The following ATRN variants were observed in gnomAD, a reference collection of about 807,000 sequenced individuals.
The protein encoded by ATRN is attractin-2.
Under a neutral mutation model 178.7 loss-of-function variants are expected in ATRN, and 54 were observed. The ratio of observed to expected loss-of-function variants is 0.30; its 90% CI spans 0.24 to 0.38. The LOEUF is 0.38. ATRN is among the 10% of genes least tolerant of loss of function. The pLI is 1.00. For synonymous variants in ATRN, 636 were observed against 663.0 expected (o/e 0.96, Z 0.63); for missense variants, 1,443 against 1,815.1 (o/e 0.79, Z 3.73).
intron 24 of ATRN, 92 bp from the exon 25 acceptor site, chr20:3,624,419 C>T: frequency 8.8e-7 from 1 of 1,140,352 alleles, no homozygotes; most frequent in African/African-American, 1.6e-5. Context: ...AAAATGTAAG[C>T]TCTGTTTTCA....
intron 1 of ATRN, among the ~76,000 whole-genome samples, chr20:3,476,145 CA>C (rs1368557369): frequency 1.3e-5 from 2 of 152,096 alleles, no homozygotes; most frequent in Admixed American, 6.5e-5. Context: ...ACCCTTGTCA[CA>C]AAAAAACAAA....
chr20:3,646,281 C>T (rs906594430), intron 28 of ATRN, among the ~76,000 whole-genome samples: 5 of 152,112 alleles, frequency 3.3e-5, no homozygotes, highest in African/African-American at 9.7e-5. Flanking sequence ...CGTCATAAAG[C>T]GTGCTGCTGT....
intron 11 of ATRN, among the ~76,000 whole-genome samples, chr20:3,569,880 G>T (rs1186414342): frequency 2.0e-5 from 3 of 152,086 alleles, no homozygotes; most frequent in Non-Finnish European, 4.4e-5. Context: ...ACACCAGCCT[G>T]GGCAACACAG....
chr20:3,646,508 G>A (rs930468020), intron 28 of ATRN, among the ~76,000 whole-genome samples: 2 of 152,188 alleles, frequency 1.3e-5, no homozygotes, highest in African/African-American at 4.8e-5. Flanking sequence ...ATTAGTGAAA[G>A]CGTTTACCCA....
At chr20:3,614,181 G>T (rs1262993178) in intron 24 of ATRN, among the ~76,000 whole-genome samples, 1 of 152,188 alleles carries the variant, frequency 6.6e-6, no homozygotes, top group Non-Finnish European at 1.5e-5. Context: ...TTTTTGATTG[G>T]TTGTTCCTGT....
chr20:3,533,064 T>C (rs1433184244), intron 1 of ATRN, among the ~76,000 whole-genome samples: 1 of 152,148 alleles, frequency 6.6e-6, no homozygotes, highest in Non-Finnish European at 1.5e-5. Flanking sequence ...GCCCAGCCTA[T>C]GGTATGGGCC....
chr20:3,514,195 T>G (rs947040407), intron 1 of ATRN, among the ~76,000 whole-genome samples: 1 of 152,172 alleles, frequency 6.6e-6, no homozygotes, highest in Non-Finnish European at 1.5e-5. Flanking sequence ...TCCAATACAT[T>G]GAAAATTTTA....
intron 1 of ATRN, among the ~76,000 whole-genome samples, chr20:3,498,474 C>T (rs1004914939): frequency 5.9e-4 from 90 of 152,036 alleles, no homozygotes; most frequent in African/African-American, 2.1e-3. Flanking sequence ...CATCAAAAAG[C>T]TTATCCACCA....
Position 3,471,136 on chromosome 20 carries a change from CA to C in ATRN, c.31del (p.Arg11GlyfsTer2). MVAAAAATEARLRRRTAATA... is the reference protein window; with the variant it reads MVAAAAATEXRLRRRTAATA... ...GTGGCTGCAGCGGCGGCAACTGAGG[CA>C]AGGCTGAGGAGGAGGACGGCGGCGA... On this transcript the variant is annotated frameshift_variant, in exon 1 of 29. Transcript: ENST00000262919. LOFTEE classifies it high-confidence loss of function. 6.6e-7 allele frequency: 1 copy of C among 1,510,370 alleles called. No homozygotes were observed. The highest frequency in any genetic ancestry group is 8.8e-7 in the Non-Finnish European group (1 of 1,136,112). The allele number at this position is 1,510,370 out of a possible 1,614,324, so 93.6% of individuals were successfully genotyped here.
intron 6 of ATRN, among the ~76,000 whole-genome samples, chr20:3,555,760 C>T (rs1322976946): frequency 2.0e-5 from 3 of 152,212 alleles, no homozygotes; most frequent in African/African-American, 7.2e-5. Flanking sequence ...ATCACCCACA[C>T]TTTGCAAATA....
intron 24 of ATRN, among the ~76,000 whole-genome samples, chr20:3,606,834 T>A (rs1393478079): frequency 2.6e-5 from 4 of 152,234 alleles, no homozygotes; most frequent in African/African-American, 9.6e-5. Context: ...TTTGATATCA[T>A]GTTAAACTAA....
At chr20:3,472,358 C>G (rs2084443070) in intron 1 of ATRN, among the ~76,000 whole-genome samples, 1 of 152,188 alleles carries the variant, frequency 6.6e-6, no homozygotes, top group Non-Finnish European at 1.5e-5. Flanking sequence ...ATAATGTGCG[C>G]ACATAACCCT....
chr20:3,492,867 GTGCGCACGCACACA>G (rs1568685732), intron 1 of ATRN, among the ~76,000 whole-genome samples: 1 of 111,760 alleles, frequency 8.9e-6, no homozygotes, highest in African/African-American at 4.0e-5. Context: ...GCGCGCGCGC[GTGCGCACGCACACA>G]CACACACACA....
intron 3 of ATRN, among the ~76,000 whole-genome samples, chr20:3,542,799 G>GTTTTT: frequency 7.3e-6 from 1 of 137,782 alleles, no homozygotes; most frequent in Non-Finnish European, 1.6e-5. Context: ...GCTAATTTTT[G>GTTTTT]TATTTTTTTT....
chr20:3,573,875 A>G (rs1286248177), intron 12 of ATRN, among the ~76,000 whole-genome samples: 1 of 151,818 alleles, frequency 6.6e-6, no homozygotes, highest in Non-Finnish European at 1.5e-5. Context: ...AGTGATTCTT[A>G]TACAGTCACC....
rs2086290394 is a variant in ATRN at position 3,582,152 on chromosome 20, C to T, written c.2562C>T (p.Thr854=). 3.1e-6 allele frequency: 5 copies of T among 1,613,956 alleles called. No individual in the cohort carries two copies. The highest frequency in any genetic ancestry group is 2.7e-5 in the African/African-American group (2 of 74,910). ...SSQSMSKLTL[T]PWVGLRKINV... is the part of the protein sequence containing the mutation. ...GCCTTTAGTCCAAGCTCACCTTAAC[C>T]CCATGGGTCGGCCTTCGGAAGATCA... Residue 854 remains threonine, a synonymous_variant, in exon 16 of 29, where the codon ACC becomes ACT. Coordinates refer to ENST00000262919, the MANE Select transcript of ATRN (RefSeq NM_139321.3).
At chr20:3,589,850 C>T (rs1308350164) in intron 18 of ATRN, among the ~76,000 whole-genome samples, 3 of 152,196 alleles carry the variant, frequency 2.0e-5, no homozygotes, top group Non-Finnish European at 4.4e-5. Flanking sequence ...GTGCAATTAG[C>T]ATGTTCATGG....
intron 26 of ATRN, among the ~76,000 whole-genome samples, chr20:3,637,386 C>A (rs2087033371): frequency 6.6e-6 from 1 of 152,182 alleles, no homozygotes; most frequent in Admixed American, 6.5e-5. Flanking sequence ...GTGACCCCAG[C>A]ACTTAAGCAC....
chr20:3,521,432 C>T (rs370083193), intron 1 of ATRN, among the ~76,000 whole-genome samples: 1 of 151,984 alleles, frequency 6.6e-6, no homozygotes, highest in African/African-American at 2.4e-5. Flanking sequence ...CATGTAAATT[C>T]TTCAAGAAGA....
Sources: gnomAD v4.1 joint callset for allele counts (sites outside exome capture counted in the v4.1 genomes callset) on GRCh38, gnomAD v4.1.1 for gene constraint, MANE v1.5 for transcripts, NCBI Gene and HGNC (gene_info 2026-07-23, HGNC 2026-07-21) for gene names.